Variants in HYDIN observed in about 807,000 individuals in gnomAD.
HYDIN encodes HYDIN axonemal central pair apparatus protein, also known as axonemal central pair apparatus protein HYDIN.
In HYDIN, 132 loss-of-function variants were observed where a neutral mutation model predicts 403.9. The ratio of observed to expected loss-of-function variants is 0.33; its 90% CI spans 0.28 to 0.38. The LOEUF is 0.38. Among genes scored for constraint, HYDIN ranks in the 10% least tolerant of loss-of-function variants. The probability of loss-of-function intolerance (pLI) is 1.00; values close to 1 mark genes in which losing one functional copy is unlikely to be tolerated. For missense variants in HYDIN, 2,827 were observed against 5,009.5 expected (o/e 0.56, Z 13.15); for synonymous variants, 1,202 against 1,891.7 (o/e 0.64, Z 9.46).
rs551075299 is a variant in HYDIN at position 70,948,291 on chromosome 16, T to C, written c.6531+4130A>G. Among the ~76,000 whole-genome samples the C allele has an allele frequency of 6.7e-4, 102 of 151,880 alleles. No individual in the cohort carries two copies. In the East Asian group the frequency reaches 0.014, roughly 21 times the overall value. ...GAAACTGGATCCCTTCCTTACACCTTATACAAAAATCAATTCAAGATGGAT... is the reference window on the plus strand; with the variant it reads ...GAAACTGGATCCCTTCCTTACACCTCATACAAAAATCAATTCAAGATGGAT... On this transcript the variant is annotated intron_variant, in intron 41 of 85. Transcript: ENST00000393567.
chr16:70,920,800 G>A lies in HYDIN; in HGVS notation c.7576C>T (p.Leu2526=). 6.4e-7 allele frequency: 1 copy of A among 1,561,472 alleles called. No homozygotes were observed. ...TCCCGCTCCGCCTTCTCCCTCTCCA[G>A]GCGCTCCTTCTCCGTGCGCTCCTTC... The part of the protein sequence containing the change: ...LEKERTEKER[L]EREKAERERL... The change falls in exon 46 of 86, where the codon CTG becomes TTG. Residue 2526 remains leucine (L), a synonymous_variant. Coordinates refer to ENST00000393567, the MANE Select transcript of HYDIN (RefSeq NM_001270974.2).
intron 52 of HYDIN, among the ~76,000 whole-genome samples, chr16:70,901,924 G>A (rs1372123902): frequency 1.3e-5 from 2 of 152,086 alleles, no homozygotes; most frequent in African/African-American, 4.8e-5. Flanking sequence ...TCTTTCATGT[G>A]TGGGTGCTGA....
chr16:71,010,396 T>C (rs1247772225), intron 23 of HYDIN, among the ~76,000 whole-genome samples: 1 of 152,168 alleles, frequency 6.6e-6, no homozygotes, highest in Admixed American at 6.5e-5. Flanking sequence ...CCTTGGACCC[T>C]GTGAGACCTC....
chr16:71,028,211 A>G (rs1018959), intron 19 of HYDIN, among the ~76,000 whole-genome samples: 4 of 151,858 alleles, frequency 2.6e-5, no homozygotes, highest in African/African-American at 7.3e-5. Flanking sequence ...ATACCTACTG[A>G]AGGAGAAGCG....
chr16:71,164,618 C>G (rs1307615533), intron 5 of HYDIN, among the ~76,000 whole-genome samples: 2 of 55,590 alleles, frequency 3.6e-5, no homozygotes, highest in African/African-American at 1.5e-4. Context: ...TCACAAATAG[C>G]CTTTACGCCT....
At chr16:71,012,089 G>A (rs1035758012) in intron 23 of HYDIN, among the ~76,000 whole-genome samples, 8 of 152,260 alleles carry the variant, frequency 5.3e-5, no homozygotes, top group East Asian at 3.8e-4. Flanking sequence ...GAGGCTGCTC[G>A]GCTCCCTGAC....
intron 84 of HYDIN, among the ~76,000 whole-genome samples, chr16:70,811,861 A>G (rs57685641): frequency 7.7e-5 from 10 of 129,610 alleles, no homozygotes; most frequent in African/African-American, 1.4e-4. Flanking sequence ...CCATCTTGGG[A>G]AAAAAAAAAA....
At chr16:70,842,259 T>C (rs2037878445) in intron 75 of HYDIN, among the ~76,000 whole-genome samples, 1 of 152,164 alleles carries the variant, frequency 6.6e-6, no homozygotes, top group East Asian at 1.9e-4. Flanking sequence ...TTCTGTCTAG[T>C]TATATCTATT....
intron 44 of HYDIN, among the ~76,000 whole-genome samples, chr16:70,936,751 C>A (rs1265359906): frequency 6.7e-6 from 1 of 148,312 alleles, no homozygotes; most frequent in Non-Finnish European, 1.5e-5. Flanking sequence ...AGGCTGGTCT[C>A]GAACTCATGA....
At chr16:71,061,966 C>T (rs9941333) in intron 17 of HYDIN, among the ~76,000 whole-genome samples, 4,396 of 152,024 alleles carry the variant, frequency 0.029, 191 homozygotes, top group African/African-American at 0.1. Context: ...TAAAACACCG[C>T]TTCTGTTAGA....
At chr16:70,998,616 C>A (rs1392698863) in intron 23 of HYDIN, among the ~76,000 whole-genome samples, 1 of 134,786 alleles carries the variant, frequency 7.4e-6, no homozygotes, top group Admixed American at 7.7e-5. Context: ...ATTTTGTAAA[C>A]CCCCTGCCTC....
chr16:70,923,612 C>T (rs1178729400), intron 45 of HYDIN, among the ~76,000 whole-genome samples: 1 of 117,198 alleles, frequency 8.5e-6, no homozygotes, highest in African/African-American at 3.4e-5. Context: ...ACCATCCTGG[C>T]TAACACGGTG....
chr16:71,081,047 G>A (rs1393550708), intron 12 of HYDIN: 4 of 151,022 alleles, frequency 2.6e-5, no homozygotes, highest in Non-Finnish European at 5.9e-5. Context: ...ACTGATTTTA[G>A]CCTAGCTAGA....
At chr16:70,826,627 TGATGA>T (rs2036605765) in intron 83 of HYDIN, among the ~76,000 whole-genome samples, 1 of 150,368 alleles carries the variant, frequency 6.7e-6, no homozygotes, top group Non-Finnish European at 1.5e-5. Context: ...AATGCTGATC[TGATGA>T]GATGTGATTG....
At chr16:71,222,190 G>C (rs2040834495) in intron 1 of HYDIN, among the ~76,000 whole-genome samples, 1 of 151,942 alleles carries the variant, frequency 6.6e-6, no homozygotes, top group Non-Finnish European at 1.5e-5. Flanking sequence ...ATATACACAA[G>C]TCAATAAATG....
intron 66 of HYDIN, among the ~76,000 whole-genome samples, chr16:70,867,115 T>A: frequency 7.7e-6 from 1 of 130,242 alleles, no homozygotes; most frequent in Non-Finnish European, 1.6e-5. Context: ...TTATAAAAAA[T>A]AAAACAACTC....
intron 84 of HYDIN, chr16:70,817,234 G>A (rs992248873): frequency 2.0e-5 from 3 of 151,854 alleles, no homozygotes; most frequent in Admixed American, 1.3e-4. Context: ...TGGTGAAGAC[G>A]TTGAACATTA....
intron 75 of HYDIN, among the ~76,000 whole-genome samples, chr16:70,840,711 G>A (rs2037759472): frequency 1.3e-5 from 2 of 152,172 alleles, no homozygotes; most frequent in Admixed American, 1.3e-4. Context: ...GAAGTTCTTT[G>A]CCTTCACACT....
chr16:70,979,867 G>T (rs1774307), intron 29 of HYDIN, among the ~76,000 whole-genome samples: 8 of 151,438 alleles, frequency 5.3e-5, no homozygotes, highest in South Asian at 2.1e-4. Context: ...GAGGTTGCAG[G>T]GAGCTGAGAC....
Sources: allele counts gnomAD v4.1 joint callset (sites outside exome capture counted in the v4.1 genomes callset), GRCh38; gene constraint gnomAD v4.1.1; transcripts MANE v1.5; gene names NCBI Gene and HGNC (gene_info 2026-07-23, HGNC 2026-07-21).